The following FXR1 variants were observed in gnomAD, a reference collection of about 807,000 sequenced individuals.
FXR1 encodes FMR1 autosomal homolog 1.
Under a neutral mutation model 84.0 loss-of-function variants are expected in FXR1, and 15 were observed. The observed-to-expected ratio is 0.18, with a 90% CI of 0.12 to 0.27. FXR1 has a LOEUF of 0.27. FXR1 is among the 10% of genes least tolerant of loss of function. The pLI, the probability that FXR1 is intolerant of heterozygous loss-of-function variation, is 1.00. For missense variants in FXR1, 480 were observed against 774.4 expected (o/e 0.62, Z 4.51); for synonymous variants, 245 against 250.7 (o/e 0.98, Z 0.21).
intron 7 of FXR1, among the ~76,000 whole-genome samples, chr3:180,950,391 C>T (rs908267827): frequency 1.1e-4 from 16 of 152,032 alleles, no homozygotes; most frequent in Non-Finnish European, 1.9e-4. Flanking sequence ...CATTTTATGA[C>T]ATTAGATGAG....
intron 13 of FXR1, among the ~76,000 whole-genome samples, chr3:180,966,829 A>G (rs950845751): frequency 2.0e-5 from 3 of 152,194 alleles, no homozygotes; most frequent in Admixed American, 1.3e-4. Context: ...ATTTGGTCAT[A>G]TAAGAGGGAA....
intron 3 of FXR1, among the ~76,000 whole-genome samples, chr3:180,940,059 C>T (rs1053809742): frequency 6.6e-6 from 1 of 152,190 alleles, no homozygotes; most frequent in Non-Finnish European, 1.5e-5. Flanking sequence ...AGGAAATTTA[C>T]ATGAAGTTAC....
intron 1 of FXR1, among the ~76,000 whole-genome samples, chr3:180,919,792 G>C (rs1718354687): frequency 1.3e-5 from 2 of 151,952 alleles, no homozygotes; most frequent in Admixed American, 1.3e-4. Context: ...TCCCGTCTCA[G>C]CCTCCTGAAT....
At chr3:180,930,711 A>C (rs1361748466) in intron 1 of FXR1, among the ~76,000 whole-genome samples, 1 of 152,174 alleles carries the variant, frequency 6.6e-6, no homozygotes. Flanking sequence ...CTGGTAACAT[A>C]ACTGAATGTG....
At chr3:180,965,030 T>C (rs1020717305) in intron 13 of FXR1, among the ~76,000 whole-genome samples, 1 of 152,066 alleles carries the variant, frequency 6.6e-6, no homozygotes, top group Non-Finnish European at 1.5e-5. Flanking sequence ...ACTTTTTTTT[T>C]TTTGAGACGG....
At chr3:180,916,948 C>T (rs1041237636) in intron 1 of FXR1, among the ~76,000 whole-genome samples, 4 of 152,156 alleles carry the variant, frequency 2.6e-5, no homozygotes, top group Non-Finnish European at 2.9e-5. Context: ...GATTCTCCTG[C>T]CTCAGCCTCC....
intron 1 of FXR1, among the ~76,000 whole-genome samples, chr3:180,929,661 G>A (rs1235787993): frequency 8.5e-5 from 13 of 152,140 alleles, no homozygotes; most frequent in African/African-American, 3.1e-4. Context: ...GTCTCCTATC[G>A]GATTTTGGCG....
At chr3:180,970,073 G>T (rs1276729185) in intron 14 of FXR1, 85 bp from the exon 15 acceptor site, 3 of 632,672 alleles carry the variant, frequency 4.7e-6, no homozygotes, top group Non-Finnish European at 8.8e-6. Flanking sequence ...AAGTTTATTT[G>T]TCATTGATAT....
intron 16 of FXR1, among the ~76,000 whole-genome samples, chr3:180,975,785 G>A (rs1714165243): frequency 6.6e-6 from 1 of 152,110 alleles, no homozygotes; most frequent in African/African-American, 2.4e-5. Flanking sequence ...TCAAAATAAG[G>A]TGAGTAAAGT....
rs370623678 is a variant in FXR1 at position 180,963,083 on chromosome 3, C to G, written c.1191C>G (p.Ser397=). 1 of 1,468,228 alleles carries G rather than the reference C, an allele frequency of 6.8e-7. No individual in the cohort carries two copies. Among genetic ancestry groups the G allele is most frequent in the South Asian group, 1.2e-5 (1 of 80,396 alleles). The allele number at this position is 1,468,228 out of a possible 1,614,324, so 91.0% of individuals were successfully genotyped here. The stretch of plus-strand genomic sequence containing the variant: ...GTCGTCGGGGACCTAATTACACCTC[C>G]GGTTATGGTAAAAAAAAATTTTTTT... ...GRGRRGPNYT[S]GYGTNSELSN... is the part of the protein sequence containing the mutation. Residue 397 remains serine, a synonymous_variant, in exon 13 of 17, where the codon TCC becomes TCG. Transcript: ENST00000357559.
chr3:180,931,560 G>A (rs1436781331), intron 1 of FXR1, among the ~76,000 whole-genome samples: 2 of 152,018 alleles, frequency 1.3e-5, no homozygotes, highest in Non-Finnish European at 2.9e-5. Flanking sequence ...TGGGTTTTAG[G>A]CCTCAGTGAG....
intron 1 of FXR1, among the ~76,000 whole-genome samples, chr3:180,925,153 G>A (rs1402089174): frequency 6.6e-6 from 1 of 152,016 alleles, no homozygotes; most frequent in Non-Finnish European, 1.5e-5. Context: ...ACGAGGTCAG[G>A]AGTTCGAGAC....
intron 3 of FXR1, among the ~76,000 whole-genome samples, chr3:180,939,042 G>A (rs2108451222): frequency 6.6e-6 from 1 of 152,026 alleles, no homozygotes; most frequent in East Asian, 1.9e-4. Context: ...TTACAGGTGT[G>A]AGCCACAATG....
At chr3:180,958,637 G>A (rs181106528) in intron 10 of FXR1, among the ~76,000 whole-genome samples, 9 of 152,110 alleles carry the variant, frequency 5.9e-5, no homozygotes, top group Non-Finnish European at 8.8e-5. Context: ...CCCATTGGTT[G>A]ATGGGCACTG....
intron 3 of FXR1, among the ~76,000 whole-genome samples, chr3:180,938,349 C>T (rs1720755549): frequency 1.3e-5 from 2 of 152,064 alleles, no homozygotes; most frequent in South Asian, 4.2e-4. Context: ...TTATATTGTT[C>T]ATATGTACAG....
At chr3:180,927,226 T>G (rs1264961524) in intron 1 of FXR1, among the ~76,000 whole-genome samples, 1 of 152,098 alleles carries the variant, frequency 6.6e-6, no homozygotes, top group East Asian at 1.9e-4. Flanking sequence ...TCGTAGTGAT[T>G]TAGTGAAAAG....
At chr3:180,966,634 T>C (rs1712868245) in intron 13 of FXR1, among the ~76,000 whole-genome samples, 2 of 152,194 alleles carry the variant, frequency 1.3e-5, no homozygotes, top group African/African-American at 4.8e-5. Context: ...TGAGGACATA[T>C]AAGATGGAGT....
chr3:180,970,387 T>A (rs1037637060), intron 15 of FXR1, 29 bp downstream of exon 15: 17 of 93,882 alleles, frequency 1.8e-4, no homozygotes, highest in South Asian at 1.1e-3. Context: ...AAGAGAAATA[T>A]ATATATATAT....
rs748884727 is a variant in FXR1, at chr3:180,976,223, A to G, written c.1797A>G (p.Gly599=). The change falls in exon 17 of 17, where the codon GGA becomes GGG. Residue 599 remains glycine, a synonymous_variant. Transcript: ENST00000357559. ...DDISKLQRTP[G]EEKINTLKEE... is the part of the protein sequence containing the mutation. ...TTTCTAAGCTACAGCGTACTCCAGG[A>G]GAAGAAAAGATTAATACCTTAAAAG... The G allele has an allele frequency of 2.5e-6, 4 of 1,612,460 alleles. No individual in the cohort carries two copies. The Admixed American group carries it at 6.7e-5, about 27-fold the overall frequency.
Sources: allele counts gnomAD v4.1 joint callset (sites outside exome capture counted in the v4.1 genomes callset), GRCh38; gene constraint gnomAD v4.1.1; transcripts MANE v1.5; gene names NCBI Gene and HGNC (gene_info 2026-07-23, HGNC 2026-07-21).